PCDH9: variants seen among roughly 807,000 people sequenced by gnomAD.
PCDH9 encodes the protein protocadherin 9.
PCDH9 carries 24 observed loss-of-function variants against 70.6 expected under a neutral mutation model. That is an observed-to-expected ratio of 0.34 (90% CI 0.25 to 0.48). PCDH9 has a LOEUF of 0.48. Ranked by LOEUF, PCDH9 falls within the 20% of genes least tolerant of loss-of-function variation. PCDH9 has a pLI of 0.99. For missense variants in PCDH9, 1,281 were observed against 1,503.6 expected (o/e 0.85, Z 2.45); for synonymous variants, 562 against 558.5 (o/e 1.01, Z -0.09).
At chr13:66,840,691 C>A (rs1176320068) in intron 3 of PCDH9, among the ~76,000 whole-genome samples, 1 of 152,198 alleles carries the variant, frequency 6.6e-6, no homozygotes, top group East Asian at 1.9e-4. Context: ...TAATTTCACT[C>A]TAGTAGGGCA....
intron 3 of PCDH9, among the ~76,000 whole-genome samples, chr13:66,795,787 G>A (rs996247380): frequency 1.2e-4 from 18 of 152,138 alleles, no homozygotes. Flanking sequence ...CACTCATTTT[G>A]TTCTACAACT....
chr13:66,939,681 G>T (rs1455545262), intron 2 of PCDH9, among the ~76,000 whole-genome samples: 1 of 152,078 alleles, frequency 6.6e-6, no homozygotes, highest in Non-Finnish European at 1.5e-5. Context: ...GCCTCCCAAA[G>T]TGCTGGAATT....
chr13:66,739,639 G>A (rs547604151), intron 3 of PCDH9, among the ~76,000 whole-genome samples: 35 of 151,780 alleles, frequency 2.3e-4, no homozygotes, highest in African/African-American at 8.2e-4. Context: ...ATAAAAGGAT[G>A]GAGGAAGATC....
chr13:66,670,496 G>A (rs916324251), intron 3 of PCDH9, among the ~76,000 whole-genome samples: 1 of 152,074 alleles, frequency 6.6e-6, no homozygotes, highest in Non-Finnish European at 1.5e-5. Flanking sequence ...AATTTAAAGA[G>A]GCATCTTTTG....
chr13:66,726,981 C>T (rs755933395), intron 3 of PCDH9, among the ~76,000 whole-genome samples: 5 of 152,164 alleles, frequency 3.3e-5, no homozygotes, highest in Non-Finnish European at 7.3e-5. Flanking sequence ...AAACTGGAGC[C>T]AGGCAGTGGC....
chr13:66,581,491 A>T (rs2076891571), intron 4 of PCDH9, among the ~76,000 whole-genome samples: 1 of 152,176 alleles, frequency 6.6e-6, no homozygotes, highest in Non-Finnish European at 1.5e-5. Flanking sequence ...CAATGTTATC[A>T]GAGATGCTTT....
intron 4 of PCDH9, among the ~76,000 whole-genome samples, chr13:66,435,338 T>A (rs1253672435): frequency 6.6e-6 from 1 of 152,166 alleles, no homozygotes; most frequent in Non-Finnish European, 1.5e-5. Flanking sequence ...ATTAAATATG[T>A]CCACTGTGAG....
chr13:66,603,421 A>G (rs2077185948), intron 4 of PCDH9, among the ~76,000 whole-genome samples: 1 of 152,018 alleles, frequency 6.6e-6, no homozygotes. Flanking sequence ...AAATATTTTT[A>G]TATTCTACCA....
At chr13:67,050,843 C>T (rs2085307257) in intron 2 of PCDH9, among the ~76,000 whole-genome samples, 2 of 152,162 alleles carry the variant, frequency 1.3e-5, no homozygotes, top group Non-Finnish European at 2.9e-5. Context: ...TTCCATATTT[C>T]ATATTGCTTC....
chr13:66,604,001 T>G (rs2138852138), intron 4 of PCDH9, among the ~76,000 whole-genome samples: 1 of 152,172 alleles, frequency 6.6e-6, no homozygotes, highest in East Asian at 1.9e-4. Context: ...TCATTTATGA[T>G]GATTATTTTG....
At chr13:66,894,547 T>A (rs995671596) in intron 3 of PCDH9, among the ~76,000 whole-genome samples, 1 of 152,142 alleles carries the variant, frequency 6.6e-6, no homozygotes, top group African/African-American at 2.4e-5. Context: ...TTTTAGATAC[T>A]ACAGAGCCAA....
intron 3 of PCDH9, among the ~76,000 whole-genome samples, chr13:66,779,740 G>C (rs2079958502): frequency 6.6e-6 from 1 of 151,428 alleles, no homozygotes; most frequent in Non-Finnish European, 1.5e-5. Flanking sequence ...AGAATCACTT[G>C]AACCTGGGAG....
intron 2 of PCDH9, among the ~76,000 whole-genome samples, chr13:66,943,796 G>C (rs2139687277): frequency 6.6e-6 from 1 of 152,162 alleles, no homozygotes; most frequent in African/African-American, 2.4e-5. Context: ...ATGGAGAGGA[G>C]GAAAATGAGA....
chr13:66,437,154 T>G (rs1354931188), intron 4 of PCDH9, among the ~76,000 whole-genome samples: 4 of 151,544 alleles, frequency 2.6e-5, no homozygotes, highest in Non-Finnish European at 5.9e-5. Context: ...ATACCTGTAA[T>G]CTCAGCACTT....
At chr13:67,119,058 A>T (rs1247795062) in intron 2 of PCDH9, among the ~76,000 whole-genome samples, 1 of 152,160 alleles carries the variant, frequency 6.6e-6, no homozygotes, top group Non-Finnish European at 1.5e-5. Flanking sequence ...TGTTTAGAAT[A>T]TATCAAATAA....
At chr13:66,829,887 G>A (rs2139404214) in intron 3 of PCDH9, among the ~76,000 whole-genome samples, 1 of 151,806 alleles carries the variant, frequency 6.6e-6, no homozygotes, top group South Asian at 2.1e-4. Context: ...TTCAAAAATA[G>A]CTACTTTACA....
intron 2 of PCDH9, among the ~76,000 whole-genome samples, chr13:67,028,386 G>A (rs1326562250): frequency 7.7e-6 from 1 of 130,600 alleles, no homozygotes; most frequent in African/African-American, 2.9e-5. Flanking sequence ...CATGGACACA[G>A]GAAGGGGAAC....
intron 3 of PCDH9, among the ~76,000 whole-genome samples, chr13:66,765,481 T>C (rs1323197288): frequency 6.6e-6 from 1 of 152,062 alleles, no homozygotes; most frequent in Non-Finnish European, 1.5e-5. Context: ...TACCTCATAC[T>C]AAAAGTTGCT....
intron 3 of PCDH9, among the ~76,000 whole-genome samples, chr13:66,730,883 T>G (rs1432777778): frequency 5.9e-5 from 1 of 16,856 alleles, no homozygotes; most frequent in African/African-American, 9.3e-5. Flanking sequence ...TGTGTTTTTT[T>G]TTTGTTTGTT....
Sources: gnomAD v4.1 joint callset for allele counts (sites outside exome capture counted in the v4.1 genomes callset) on GRCh38, gnomAD v4.1.1 for gene constraint, MANE v1.5 for transcripts, NCBI Gene and HGNC (gene_info 2026-07-23, HGNC 2026-07-21) for gene names.